Variants in WDR43 observed in about 807,000 individuals in gnomAD.
The protein encoded by WDR43 is WD repeat-containing protein 43.
A neutral mutation model predicts 91.4 loss-of-function variants in WDR43; 13 were observed. The ratio of observed to expected loss-of-function variants is 0.14; its 90% CI spans 0.09 to 0.23. WDR43 has a LOEUF of 0.23. Ranked by LOEUF, WDR43 falls within the 10% of genes least tolerant of loss-of-function variation. WDR43 has a pLI of 1.00. For missense variants in WDR43, 780 were observed against 809.4 expected, an observed-to-expected ratio of 0.96 and a Z score of 0.44; for synonymous variants, 331 against 287.9, an observed-to-expected ratio of 1.15 and a Z score of -1.51.
chr2:28,931,970 G>A (rs1011559307), intron 11 of WDR43, among the ~76,000 whole-genome samples: 15 of 151,030 alleles, frequency 9.9e-5, no homozygotes, highest in Non-Finnish European at 7.4e-5. Context: ...TGAACTCCTG[G>A]GCTCAAGTGA....
chr2:28,922,236 C>T (rs1309703520), intron 6 of WDR43, among the ~76,000 whole-genome samples: 1 of 152,142 alleles, frequency 6.6e-6, no homozygotes, highest in Non-Finnish European at 1.5e-5. Context: ...ATTTCATTTT[C>T]TCTCAATGTA....
chr2:28,914,234 G>GT (rs1191949394), intron 5 of WDR43, 26 bp downstream of exon 5: 4 of 1,596,182 alleles, frequency 2.5e-6, no homozygotes, highest in Non-Finnish European at 3.4e-6. Context: ...GGATTTGGGA[G>GT]GTAGCATTGA....
At chr2:28,944,434 G>A (rs1294000243) in intron 16 of WDR43, among the ~76,000 whole-genome samples, 2 of 151,996 alleles carry the variant, frequency 1.3e-5, no homozygotes, top group African/African-American at 2.4e-5. Flanking sequence ...AGTTTTTTAA[G>A]AATGTGAAAG....
intron 7 of WDR43, among the ~76,000 whole-genome samples, chr2:28,923,428 T>A (rs1289536429): frequency 6.6e-6 from 1 of 152,132 alleles, no homozygotes; most frequent in Non-Finnish European, 1.5e-5. Flanking sequence ...GTGGAGACCA[T>A]TTGTGGTCTG....
At chr2:28,934,210 T>C (rs974579524) in intron 11 of WDR43, among the ~76,000 whole-genome samples, 1 of 152,210 alleles carries the variant, frequency 6.6e-6, no homozygotes, top group Non-Finnish European at 1.5e-5. Flanking sequence ...TATAAATTCC[T>C]ATTTATATAA....
intron 11 of WDR43, among the ~76,000 whole-genome samples, chr2:28,935,007 G>A (rs893025368): frequency 6.6e-6 from 1 of 152,166 alleles, no homozygotes; most frequent in African/African-American, 2.4e-5. Context: ...GTAACCCAGT[G>A]TGGAGACTGG....
At chr2:28,940,861 A>G (rs777732164) in intron 14 of WDR43, among the ~76,000 whole-genome samples, 4 of 152,236 alleles carry the variant, frequency 2.6e-5, no homozygotes, top group Non-Finnish European at 5.9e-5. Flanking sequence ...TATATTCTCA[A>G]TACAAAAGAC....
At chr2:28,930,100 A>T (rs1195367919) in intron 11 of WDR43, 1 of 471,516 alleles carries the variant, frequency 2.1e-6, no homozygotes, top group Non-Finnish European at 4.4e-6. Context: ...CCAGAAACTT[A>T]TTTCCCCCTG....
At chr2:28,904,967 A>G (rs987076568) in intron 2 of WDR43, 1 of 152,232 alleles carries the variant, frequency 6.6e-6, no homozygotes, top group African/African-American at 2.4e-5. Context: ...GTCACAAGAT[A>G]GCATGTGACT....
chr2:28,908,402 T>G (rs1670725861), intron 3 of WDR43, among the ~76,000 whole-genome samples: 1 of 152,212 alleles, frequency 6.6e-6, no homozygotes, highest in African/African-American at 2.4e-5. Context: ...CATTTACTTG[T>G]AGCAGACACA....
intron 11 of WDR43, among the ~76,000 whole-genome samples, chr2:28,930,591 A>G (rs1017898155): frequency 6.6e-6 from 1 of 152,210 alleles, no homozygotes; most frequent in African/African-American, 2.4e-5. Context: ...TTAGTTTACC[A>G]TGGCATAGAA....
At chr2:28,905,630 T>G (rs949077263) in intron 2 of WDR43, among the ~76,000 whole-genome samples, 1 of 152,056 alleles carries the variant, frequency 6.6e-6, no homozygotes, top group Admixed American at 6.6e-5. Context: ...AAGTTAACAT[T>G]TTGAAATTCT....
intron 6 of WDR43, 118 bp from the exon 7 acceptor site, chr2:28,922,797 GTTTT>G (rs70958224): frequency 1.9e-4 from 45 of 232,178 alleles, no homozygotes; most frequent in Non-Finnish European, 2.6e-4. Flanking sequence ...TTCTTGCTGT[GTTTT>G]TTTTTTTTTT....
At chr2:28,901,504 C>T (rs2148178124) in intron 1 of WDR43, among the ~76,000 whole-genome samples, 1 of 152,280 alleles carries the variant, frequency 6.6e-6, no homozygotes, top group East Asian at 1.9e-4. Flanking sequence ...AAGGTAAAAA[C>T]TTTTGAGGCT....
intron 1 of WDR43, among the ~76,000 whole-genome samples, chr2:28,897,533 G>A (rs905082503): frequency 6.6e-6 from 1 of 152,138 alleles, no homozygotes; most frequent in African/African-American, 2.4e-5. Context: ...GGTGTAGTAT[G>A]GCCTAGTATG....
At chr2:28,919,156 G>A (rs577690752) in intron 6 of WDR43, among the ~76,000 whole-genome samples, 1 of 152,240 alleles carries the variant, frequency 6.6e-6, no homozygotes, top group African/African-American at 2.4e-5. Flanking sequence ...TACTTGGGAG[G>A]CTGTGGTGGG....
chr2:28,910,928 C>T (rs1670785415), intron 3 of WDR43, among the ~76,000 whole-genome samples: 1 of 151,910 alleles, frequency 6.6e-6, no homozygotes, highest in South Asian at 2.1e-4. Flanking sequence ...GAACTCCTGG[C>T]CTCAAGTGAT....
At chr2:28,938,200 G>A (rs1671369042) in intron 14 of WDR43, among the ~76,000 whole-genome samples, 1 of 152,048 alleles carries the variant, frequency 6.6e-6, no homozygotes, top group Admixed American at 6.6e-5. Flanking sequence ...TTATAAATTG[G>A]TCTTCCCCTC....
intron 7 of WDR43, 40 bp from the exon 8 acceptor site, chr2:28,924,942 T>C (rs746120296): frequency 1.9e-6 from 3 of 1,587,042 alleles, no homozygotes; most frequent in Admixed American, 3.6e-5. Flanking sequence ...ATGAGACGTT[T>C]TTTCAAATTC....
Sources: allele counts gnomAD v4.1 joint callset (sites outside exome capture counted in the v4.1 genomes callset), GRCh38; gene constraint gnomAD v4.1.1; transcripts MANE v1.5; gene names NCBI Gene and HGNC (gene_info 2026-07-23, HGNC 2026-07-21).